The following CNTLN variants were observed in gnomAD, a reference collection of about 807,000 sequenced individuals.
CNTLN encodes the protein centlein, also known as centlein, centrosomal protein.
Under a neutral mutation model 180.0 loss-of-function variants are expected in CNTLN, and 212 were observed. That is an observed-to-expected ratio of 1.18 (90% CI 1.05 to 1.32). The LOEUF is 1.32. Ranked by LOEUF, CNTLN falls within the 40% of genes most tolerant of loss-of-function variation. The pLI is 0.00. For missense variants in CNTLN, 2,095 were observed against 1,610.9 expected (o/e 1.30, Z -5.14); for synonymous variants, 722 against 563.1 (o/e 1.28, Z -3.99).
intron 18 of CNTLN, among the ~76,000 whole-genome samples, chr9:17,416,685 T>C (rs1266432520): frequency 6.6e-6 from 1 of 152,154 alleles, no homozygotes; most frequent in Non-Finnish European, 1.5e-5. Flanking sequence ...TCTGTGGTTC[T>C]TTTTACTCAG....
At chr9:17,507,241 AT>A (rs1476553402), downstream of CNTLN, among the ~76,000 whole-genome samples, 16 of 152,038 alleles carry the variant, frequency 1.1e-4, no homozygotes. Flanking sequence ...AACATGAGGT[AT>A]TTTGTTTTCT....
rs35329298 is a variant in CNTLN at position 17,390,235 on chromosome 9, CTTTTTTTTT to C, written c.2079+1995_2079+2003del. 9.0e-5 allele frequency among the ~76,000 whole-genome samples: 7 copies of C among 77,396 alleles called. 1 individual carries two copies. Among genetic ancestry groups the C allele is most frequent in the African/African-American group, 2.4e-4 (5 of 20,560 alleles). 50.8% of individuals were successfully genotyped at this position (77,396 alleles called of 152,430 possible). ...TGTATTTCAGTTTTGAAAAGAGCCT[CTTTTTTTTT>C]TTTTTTTTTTTTGGAGACAGAGTCT... On this transcript the variant is annotated intron_variant, in intron 14 of 25. Transcript: ENST00000380647.
intron 23 of CNTLN, among the ~76,000 whole-genome samples, chr9:17,483,782 A>T (rs1832764336): frequency 6.6e-6 from 1 of 152,204 alleles, no homozygotes; most frequent in East Asian, 1.9e-4. Flanking sequence ...ATGTAATTGA[A>T]CTTTGACCCA....
At chr9:17,519,490 T>C in the CNTLN span, among the ~76,000 whole-genome samples, 14 of 152,260 alleles carry the variant, frequency 9.2e-5, no homozygotes, top group Non-Finnish European at 1.2e-4. Context: ...TTCTGAAACA[T>C]AAATAAAACA....
At chr9:17,358,463 A>T (rs1359364547) in intron 12 of CNTLN, among the ~76,000 whole-genome samples, 2 of 152,146 alleles carry the variant, frequency 1.3e-5, no homozygotes, top group South Asian at 2.1e-4. Flanking sequence ...GTAGACATAC[A>T]CATTTGTAAA....
At position 17,435,723 on chromosome 9, in the gene CNTLN, C is replaced by T. The variant is rs368005744; in HGVS notation, c.3114+19534C>T. On this transcript the variant is annotated intron_variant, in intron 18 of 25. Coordinates refer to ENST00000380647, the MANE Select transcript of CNTLN (RefSeq NM_017738.4). Reference sequence around the variant, plus strand: ...GATTACAGGTGCATGCCAACACGTCCGGCTAATTTTTGTATTTTTAGTAGA... The same window carrying T: ...GATTACAGGTGCATGCCAACACGTCTGGCTAATTTTTGTATTTTTAGTAGA... Among the ~76,000 whole-genome samples the T allele has an allele frequency of 6.7e-4, 102 of 152,110 alleles. No individual in the cohort carries two copies. In the South Asian group the frequency reaches 7.1e-3, roughly 11 times the overall value.
chr9:17,517,265 G>A, the CNTLN span, among the ~76,000 whole-genome samples: 3 of 151,840 alleles, frequency 2.0e-5, no homozygotes, highest in African/African-American at 4.8e-5. Flanking sequence ...GGTGGCGGGC[G>A]CCTGTAGTCC....
rs139497561 is a variant in CNTLN, at chr9:17,495,108, G to A, written c.4120-7443G>A. 5.8e-4 allele frequency: 200 copies of A among 347,810 alleles called. 1 individual carries two copies. In the East Asian group the frequency reaches 0.014, roughly 24 times the overall value. The allele number at this position is 347,810 out of a possible 1,614,324, so 21.5% of individuals were successfully genotyped here. A position where few individuals can be genotyped will look rare whatever the true frequency, so the allele number is the denominator to read the frequency against. On this transcript the variant is annotated intron_variant, in intron 25 of 25. Coordinates refer to ENST00000380647, the MANE Select transcript of CNTLN (RefSeq NM_017738.4). ...TTGCCCAGGCTGGTCTCCAACTCCTGAGCTCAGGTGATCTGCCTGCCTCAG... is the reference window on the plus strand; with the variant it reads ...TTGCCCAGGCTGGTCTCCAACTCCTAAGCTCAGGTGATCTGCCTGCCTCAG...
chr9:17,519,745 A>T, the CNTLN span, among the ~76,000 whole-genome samples: 2 of 152,358 alleles, frequency 1.3e-5, no homozygotes, highest in African/African-American at 4.8e-5. Context: ...CTTTTAGCAC[A>T]TCCACTCCTT....
intron 23 of CNTLN, among the ~76,000 whole-genome samples, chr9:17,478,632 C>G (rs1234753603): frequency 6.6e-6 from 1 of 151,824 alleles, no homozygotes; most frequent in Non-Finnish European, 1.5e-5. Flanking sequence ...AGGTCTGATA[C>G]TTAAGTCTTT....
At chr9:17,268,338 CT>C (rs1412972759) in intron 5 of CNTLN, among the ~76,000 whole-genome samples, 1 of 152,136 alleles carries the variant, frequency 6.6e-6, no homozygotes, top group Admixed American at 6.5e-5. Flanking sequence ...GCAGCGGTGG[CT>C]TTAGAATAGC....
intron 18 of CNTLN, among the ~76,000 whole-genome samples, chr9:17,425,581 A>G (rs1200636138): frequency 6.6e-6 from 1 of 152,200 alleles, no homozygotes; most frequent in African/African-American, 2.4e-5. Context: ...TAACACATCA[A>G]ATGTGGAAGT....
chr9:17,163,339 T>C (rs985313742), intron 2 of CNTLN, among the ~76,000 whole-genome samples: 1 of 152,224 alleles, frequency 6.6e-6, no homozygotes, highest in Non-Finnish European at 1.5e-5. Flanking sequence ...TTTATTGTTA[T>C]GATAATTATG....
intron 1 of CNTLN, among the ~76,000 whole-genome samples, chr9:17,136,945 A>C (rs142296500): frequency 1.3e-5 from 2 of 151,988 alleles, no homozygotes; most frequent in African/African-American, 2.4e-5. Context: ...TATTTTCCGC[A>C]CTCTTTCCTC....
intron 10 of CNTLN, among the ~76,000 whole-genome samples, chr9:17,338,425 G>A (rs957533871): frequency 2.9e-5 from 4 of 139,182 alleles, no homozygotes; most frequent in African/African-American, 7.9e-5. Context: ...TGTCTGGCTC[G>A]GCCTCCCAAA....
intron 7 of CNTLN, among the ~76,000 whole-genome samples, chr9:17,304,106 G>A (rs1053496342): frequency 6.6e-6 from 1 of 152,084 alleles, no homozygotes; most frequent in African/African-American, 2.4e-5. Flanking sequence ...TGTCCCAGGT[G>A]GTAGGATGTG....
intron 5 of CNTLN, among the ~76,000 whole-genome samples, chr9:17,252,868 A>G (rs1307571859): frequency 6.8e-6 from 1 of 146,742 alleles, no homozygotes; most frequent in African/African-American, 2.6e-5. Context: ...AGTTTTCTCT[A>G]TGTTTTCTTC....
chr9:17,198,057 T>C (rs897497376), intron 2 of CNTLN, among the ~76,000 whole-genome samples: 2 of 152,188 alleles, frequency 1.3e-5, no homozygotes, highest in Admixed American at 1.3e-4. Context: ...GATGTATGCC[T>C]ATATTTCTGA....
chr9:17,500,265 A>C (rs1833672003), intron 25 of CNTLN, among the ~76,000 whole-genome samples: 1 of 152,196 alleles, frequency 6.6e-6, no homozygotes, highest in African/African-American at 2.4e-5. Flanking sequence ...GTTGGTAATA[A>C]ATTCGTAAAT....
Sources: gnomAD v4.1 joint callset for allele counts (sites outside exome capture counted in the v4.1 genomes callset) on GRCh38, gnomAD v4.1.1 for gene constraint, MANE v1.5 for transcripts, NCBI Gene and HGNC (gene_info 2026-07-23, HGNC 2026-07-21) for gene names.